The following ASAP2 variants were observed in gnomAD, a reference collection of about 807,000 sequenced individuals.
ASAP2 encodes the protein ArfGAP with SH3 domain, ankyrin repeat and PH domain 2, also known as arf-GAP with SH3 domain, ANK repeat and PH domain-containing protein 2.
Under a neutral mutation model 131.4 loss-of-function variants are expected in ASAP2, and 45 were observed. The observed-to-expected ratio is 0.34, with a 90% CI of 0.27 to 0.44. The LOEUF is 0.44. Ranked by LOEUF, ASAP2 falls within the 20% of genes least tolerant of loss-of-function variation. ASAP2 has a pLI of 1.00. For synonymous variants in ASAP2, 510 were observed against 503.0 expected, an observed-to-expected ratio of 1.01 and a Z score of -0.19; for missense variants, 1,011 against 1,297.0, an observed-to-expected ratio of 0.78 and a Z score of 3.39.
intron 3 of ASAP2, among the ~76,000 whole-genome samples, chr2:9,317,253 C>G (rs1484285152): frequency 6.7e-6 from 1 of 149,590 alleles, no homozygotes; most frequent in African/African-American, 2.5e-5. Flanking sequence ...ATACACACCC[C>G]GTGCATCACA....
chr2:9,213,814 G>C (rs1227982294), intron 1 of ASAP2, among the ~76,000 whole-genome samples: 1 of 152,222 alleles, frequency 6.6e-6, no homozygotes, highest in East Asian at 1.9e-4. Context: ...TGGTGAAGCT[G>C]TTGCTGTCTA....
intron 24 of ASAP2, among the ~76,000 whole-genome samples, chr2:9,397,313 C>G (rs1676225001): frequency 1.3e-5 from 2 of 152,170 alleles, no homozygotes; most frequent in African/African-American, 4.8e-5. Flanking sequence ...GGTGCAGGTT[C>G]CTTGTTCTCA....
At position 9,254,254 on chromosome 2, in the gene ASAP2, T is replaced by TATATATATACACAC. The variant is rs1553297027; in HGVS notation, c.127-25062_127-25061insTATATATACACACA. ...AAAAAAAAATATATATATATATATATACACGTGTGTGTGTATGCATATATA... is the reference window on the plus strand; with the variant it reads ...AAAAAAAAATATATATATATATATATATATATATACACACACACGTGTGTGTGTATGCATATATA... On this transcript the variant is annotated intron_variant, in intron 1 of 27. Coordinates refer to ENST00000281419, the MANE Select transcript of ASAP2 (RefSeq NM_003887.3). Among the ~76,000 whole-genome samples the TATATATATACACAC allele has an allele frequency of 5.9e-4, 39 of 65,736 alleles. 1 individual carries two copies. Among genetic ancestry groups the TATATATATACACAC allele is most frequent in the African/African-American group, 2.0e-3 (27 of 13,540 alleles). 43.1% of individuals were successfully genotyped at this position (65,736 alleles called of 152,430 possible).
chr2:9,382,736 G>T (rs139453791), intron 20 of ASAP2, among the ~76,000 whole-genome samples: 516 of 152,218 alleles, frequency 3.4e-3, no homozygotes, highest in Non-Finnish European at 5.4e-3. Context: ...TTTTCTGTAC[G>T]GTTACACTGT....
intron 16 of ASAP2, among the ~76,000 whole-genome samples, chr2:9,370,701 C>T (rs978995073): frequency 1.3e-5 from 2 of 152,172 alleles, no homozygotes; most frequent in Non-Finnish European, 2.9e-5. Context: ...ATTAGCTGCC[C>T]TGCTTGCTCT....
chr2:9,357,174 A>G (rs1672764211), intron 14 of ASAP2, among the ~76,000 whole-genome samples: 1 of 145,374 alleles, frequency 6.9e-6, no homozygotes, highest in South Asian at 2.2e-4. Context: ...CCTTGGATCC[A>G]TTAAAAAAAA....
chr2:9,398,982 A>G (rs1676407361), intron 24 of ASAP2: 1 of 152,192 alleles, frequency 6.6e-6, no homozygotes, highest in Non-Finnish European at 1.5e-5. Flanking sequence ...GTCTGCAGAG[A>G]CATTTACACC....
chr2:9,337,969 T>A (rs1671328652), intron 9 of ASAP2, among the ~76,000 whole-genome samples: 1 of 152,192 alleles, frequency 6.6e-6, no homozygotes, highest in Admixed American at 6.5e-5. Flanking sequence ...TAGTGTTTGA[T>A]TTTTGGAGAA....
In ASAP2 at chr2:9,393,601, C is replaced by T. The variant is rs746588714; in HGVS notation, c.2638C>T (p.Pro880Ser). 8.8e-6 allele frequency: 14 copies of T among 1,591,658 alleles called. No homozygotes were observed. Among genetic ancestry groups the T allele is most frequent in the Middle Eastern group, 3.4e-4 (2 of 5,824 alleles). The change falls in exon 24 of 28, where the codon CCC becomes TCC. Residue 880 changes from proline to serine, a missense_variant. By Grantham distance (74) the Pro-to-Ser change is moderately conservative (BLOSUM62 -1). Coordinates refer to ENST00000281419, the MANE Select transcript of ASAP2 (RefSeq NM_003887.3). ...GISQIRPPPL[P>S]PQPPSRLPQK... ...CTCACAGATCAGGCCCCCACCTCTG[C>T]CCCCACAGCCGCCCAGCCGCCTCCC... is the stretch of plus-strand genomic sequence containing the variant.
intron 1 of ASAP2, among the ~76,000 whole-genome samples, chr2:9,269,680 C>T (rs1666205449): frequency 6.6e-6 from 1 of 152,242 alleles, no homozygotes; most frequent in African/African-American, 2.4e-5. Flanking sequence ...GGGTTGGGGA[C>T]ATTCAGAGGC....
intron 9 of ASAP2, among the ~76,000 whole-genome samples, chr2:9,342,954 C>T (rs1401923679): frequency 6.6e-6 from 1 of 152,238 alleles, no homozygotes; most frequent in African/African-American, 2.4e-5. Context: ...TGCTTTTCTC[C>T]CTTTGACTCT....
Position 9,374,830 on chromosome 2 carries a change from G to C in ASAP2, c.1632G>C (p.Ala544=). ...CAAGGAAGAAGCACGCGGATAACGC[G>C]GCGAAGCTTCACAGTCTTTGCGAGG... ...RYARKKHADN[A]AKLHSLCEAV... is the part of the protein sequence containing the mutation. The change falls in exon 17 of 28, where the codon GCG becomes GCC. Residue 544 remains alanine, a synonymous_variant. Transcript: ENST00000281419. 6 of 1,614,148 alleles carry C rather than the reference G, an allele frequency of 3.7e-6. No individual in the cohort carries two copies. The highest frequency in any genetic ancestry group is 5.1e-6 in the Non-Finnish European group (6 of 1,180,022).
intron 7 of ASAP2, among the ~76,000 whole-genome samples, chr2:9,328,385 A>G (rs1670610994): frequency 6.6e-6 from 1 of 152,260 alleles, no homozygotes; most frequent in Non-Finnish European, 1.5e-5. Flanking sequence ...TATATACAAC[A>G]TAAAAAATCT....
At chr2:9,291,383 G>A (rs1444449942) in intron 2 of ASAP2, among the ~76,000 whole-genome samples, 1 of 152,180 alleles carries the variant, frequency 6.6e-6, no homozygotes, top group Non-Finnish European at 1.5e-5. Flanking sequence ...ACTAAGTAGA[G>A]ACCCTGTTAA....
intron 1 of ASAP2, among the ~76,000 whole-genome samples, chr2:9,236,496 A>G (rs1663560738): frequency 6.6e-6 from 1 of 152,216 alleles, no homozygotes; most frequent in African/African-American, 2.4e-5. Context: ...ATGAAGATTA[A>G]TAAAATTAAA....
chr2:9,277,591 A>G (rs942913002), intron 1 of ASAP2, among the ~76,000 whole-genome samples: 1 of 152,186 alleles, frequency 6.6e-6, no homozygotes, highest in Non-Finnish European at 1.5e-5. Context: ...ACAAAATTGA[A>G]TGGAAAATAC....
Position 9,404,943 on chromosome 2 carries a change from T to G in ASAP2, c.*1616T>G, listed in dbSNP as rs548809606. 2 of 152,712 alleles carry G rather than the reference T, an allele frequency of 1.3e-5. No individual in the cohort carries two copies. The highest frequency in any genetic ancestry group is 1.3e-4 in the Admixed American group (2 of 15,290). 9.5% of individuals were successfully genotyped at this position (152,712 alleles called of 1,614,324 possible). On this transcript the variant is annotated 3_prime_UTR_variant, in exon 28 of 28. Coordinates refer to ENST00000281419, the MANE Select transcript of ASAP2 (RefSeq NM_003887.3). ...TAATTGTTAATTTCTGTTTGAACCC[T>G]TCATTTAATTTTCTCATAGATTTAA...
chr2:9,269,531 T>A (rs62121273), intron 1 of ASAP2, among the ~76,000 whole-genome samples: 7,106 of 152,152 alleles, frequency 0.047, 202 homozygotes, highest in Non-Finnish European at 0.068. Flanking sequence ...AGCCCCCACA[T>A]GGAGGAGGGT....
At chr2:9,296,345 C>T (rs543557262) in intron 2 of ASAP2, among the ~76,000 whole-genome samples, 27 of 152,294 alleles carry the variant, frequency 1.8e-4, no homozygotes, top group Admixed American at 2.6e-4. Context: ...TTCCTACCCA[C>T]GGTTTAAATC....
Sources: gnomAD v4.1 joint callset for allele counts (sites outside exome capture counted in the v4.1 genomes callset) on GRCh38, gnomAD v4.1.1 for gene constraint, MANE v1.5 for transcripts, NCBI Gene and HGNC (gene_info 2026-07-23, HGNC 2026-07-21) for gene names.